FGGY: variants seen among roughly 807,000 people sequenced by gnomAD.
The protein encoded by FGGY is FGGY carbohydrate kinase domain-containing protein.
Under a neutral mutation model 71.3 loss-of-function variants are expected in FGGY, and 72 were observed. That is an observed-to-expected ratio of 1.01 (90% CI 0.84 to 1.23). The LOEUF (loss-of-function observed/expected upper bound fraction) is 1.23. Ranked by LOEUF, FGGY falls within the 50% of genes most tolerant of loss-of-function variation. The pLI is 0.00. For synonymous variants in FGGY, 251 were observed against 250.3 expected (o/e 1.00, Z -0.02); for missense variants, 668 against 682.3 (o/e 0.98, Z 0.23).
At chr1:59,520,297 A>G (rs930631888) in intron 7 of FGGY, among the ~76,000 whole-genome samples, 2 of 152,228 alleles carry the variant, frequency 1.3e-5, no homozygotes, top group South Asian at 2.1e-4. Context: ...GATTAAGAAA[A>G]TAATAGAAGT....
chr1:59,667,885 G>A (rs1457028465), intron 13 of FGGY, among the ~76,000 whole-genome samples: 1 of 152,180 alleles, frequency 6.6e-6, no homozygotes, highest in Non-Finnish European at 1.5e-5. Flanking sequence ...ACATAGTGGG[G>A]CACCTTGTCT....
chr1:59,692,058 A>G lies in FGGY; in HGVS notation c.1512+17925A>G, dbSNP rs796093269. Among the ~76,000 whole-genome samples the G allele has an allele frequency of 1.1e-4, 16 of 152,324 alleles. 1 individual carries two copies. Among genetic ancestry groups the G allele is most frequent in the African/African-American group, 3.8e-4 (16 of 41,570 alleles). On this transcript the variant is annotated intron_variant, in intron 14 of 15. Transcript: ENST00000303721. ...AAAAATAACTATAGTCCTAATACTGATCACCTCTGCAGTTGACTGGAAGAG... is the reference window on the plus strand; with the variant it reads ...AAAAATAACTATAGTCCTAATACTGGTCACCTCTGCAGTTGACTGGAAGAG...
At chr1:59,547,986 T>C (rs886275626) in intron 7 of FGGY, among the ~76,000 whole-genome samples, 1 of 152,194 alleles carries the variant, frequency 6.6e-6, no homozygotes, top group Non-Finnish European at 1.5e-5. Flanking sequence ...CGTTTGCTTA[T>C]AGTGTAGTAG....
chr1:59,746,014 A>G (rs2098194255), intron 14 of FGGY, among the ~76,000 whole-genome samples: 1 of 152,180 alleles, frequency 6.6e-6, no homozygotes, highest in Non-Finnish European at 1.5e-5. Flanking sequence ...CCGGAGGTGG[A>G]AACATTTTGA....
intron 6 of FGGY, among the ~76,000 whole-genome samples, chr1:59,473,697 C>G (rs1192410369): frequency 2.0e-5 from 3 of 152,106 alleles, no homozygotes; most frequent in Non-Finnish European, 4.4e-5. Context: ...TTCTAACTTT[C>G]CTCAAAGATG....
intron 14 of FGGY, among the ~76,000 whole-genome samples, chr1:59,684,648 T>G (rs530767325): frequency 3.3e-4 from 50 of 152,080 alleles, no homozygotes; most frequent in Non-Finnish European, 6.2e-4. Context: ...GTATGTGGGG[T>G]GAGGAGTAGA....
intron 6 of FGGY, among the ~76,000 whole-genome samples, chr1:59,494,578 G>T (rs572104504): frequency 2.6e-5 from 4 of 152,278 alleles, no homozygotes; most frequent in Admixed American, 1.3e-4. Context: ...AGCCACTAGA[G>T]GGGTTTCAAA....
intron 7 of FGGY, among the ~76,000 whole-genome samples, chr1:59,512,887 C>T (rs1217367165): frequency 1.3e-5 from 2 of 152,282 alleles, no homozygotes; most frequent in South Asian, 2.1e-4. Flanking sequence ...ACATAACTCT[C>T]AAGTCTTTCA....
intron 5 of FGGY, among the ~76,000 whole-genome samples, chr1:59,447,166 T>C (rs377449131): frequency 2.4e-4 from 36 of 152,176 alleles, no homozygotes; most frequent in African/African-American, 8.4e-4. Flanking sequence ...TGATTGAAAC[T>C]AAAGATGATG....
intron 6 of FGGY, among the ~76,000 whole-genome samples, chr1:59,473,811 A>G (rs2093120698): frequency 6.6e-6 from 1 of 152,224 alleles, no homozygotes; most frequent in Admixed American, 6.5e-5. Flanking sequence ...ACTTGAGGGC[A>G]GTAGGAGCCA....
chr1:59,470,194 G>A (rs536283645), intron 6 of FGGY, among the ~76,000 whole-genome samples: 13 of 152,236 alleles, frequency 8.5e-5, no homozygotes, highest in Admixed American at 2.6e-4. Context: ...CACAATGGCT[G>A]AACTATTTCA....
At chr1:59,458,936 A>G (rs148405238) in intron 6 of FGGY, among the ~76,000 whole-genome samples, 25 of 152,344 alleles carry the variant, frequency 1.6e-4, no homozygotes, top group African/African-American at 5.8e-4. Flanking sequence ...TCTTGGAACT[A>G]TGAAAGATGA....
intron 10 of FGGY, among the ~76,000 whole-genome samples, chr1:59,632,038 G>A (rs542201116): frequency 2.9e-4 from 44 of 152,278 alleles, no homozygotes; most frequent in African/African-American, 9.9e-4. Context: ...CTAGATTCAA[G>A]GTTGGCAGCA....
intron 8 of FGGY, among the ~76,000 whole-genome samples, chr1:59,557,443 T>C (rs1053351127): frequency 4.6e-5 from 7 of 152,182 alleles, no homozygotes; most frequent in Admixed American, 6.5e-5. Context: ...TAAGTGAGTA[T>C]TGGTAAATAC....
chr1:59,337,791 A>T (rs779675722), intron 2 of FGGY, among the ~76,000 whole-genome samples: 1 of 152,154 alleles, frequency 6.6e-6, no homozygotes, highest in Non-Finnish European at 1.5e-5. Flanking sequence ...TGCATATGAG[A>T]TCATGTCATC....
At chr1:59,376,450 TA>T (rs1333023242) in intron 4 of FGGY, among the ~76,000 whole-genome samples, 5 of 152,212 alleles carry the variant, frequency 3.3e-5, no homozygotes, top group Admixed American at 6.5e-5. Flanking sequence ...TGTTGGTGTT[TA>T]TATAGTAGTG....
intron 14 of FGGY, among the ~76,000 whole-genome samples, chr1:59,702,140 A>G (rs2097714962): frequency 6.6e-6 from 1 of 152,244 alleles, no homozygotes; most frequent in Non-Finnish European, 1.5e-5. Context: ...CTCCCTCACT[A>G]CCATGAGAAC....
At chr1:59,446,736 C>T (rs2071348630) in intron 5 of FGGY, among the ~76,000 whole-genome samples, 2 of 152,220 alleles carry the variant, frequency 1.3e-5, no homozygotes, top group East Asian at 3.8e-4. Context: ...TATCCCCACT[C>T]TCAGCTCTAA....
intron 5 of FGGY, among the ~76,000 whole-genome samples, chr1:59,437,873 G>A (rs550202547): frequency 6.6e-6 from 1 of 152,192 alleles, no homozygotes; most frequent in Non-Finnish European, 1.5e-5. Context: ...AAGTAGTGAG[G>A]CCCACATGGC....
Sources: gnomAD v4.1 joint callset for allele counts (sites outside exome capture counted in the v4.1 genomes callset) on GRCh38, gnomAD v4.1.1 for gene constraint, MANE v1.5 for transcripts, NCBI Gene and HGNC (gene_info 2026-07-23, HGNC 2026-07-21) for gene names.